Variants in NTM observed in about 807,000 individuals in gnomAD.
The protein encoded by NTM is IgLON family member 2.
A neutral mutation model predicts 42.1 loss-of-function variants in NTM; 13 were observed. That is an observed-to-expected ratio of 0.31 (90% CI 0.20 to 0.49). The LOEUF is 0.49. Among genes scored for constraint, NTM ranks in the 20% least tolerant of loss-of-function variants. The probability of loss-of-function intolerance (pLI) is 0.99; values close to 1 mark genes in which losing one functional copy is unlikely to be tolerated. For synonymous variants in NTM, 187 were observed against 179.2 expected, an observed-to-expected ratio of 1.04 and a Z score of -0.35; for missense variants, 373 against 452.8, an observed-to-expected ratio of 0.82 and a Z score of 1.60.
In NTM at chr11:131,467,817, A is replaced by G. The variant is rs77593768; in HGVS notation, c.82+96929A>G. On this transcript the variant is annotated intron_variant, in intron 1 of 8. Transcript: ENST00000683400. ...GACAGGCTAAAAGCCACAGGATTGA[A>G]TGACCTGGGAAGTTTCCAGAGAGTC... is the stretch of plus-strand genomic sequence containing the variant. Among the ~76,000 whole-genome samples the G allele has an allele frequency of 5.0e-3, 763 of 152,346 alleles. 6 individuals carry two copies. The highest frequency in any genetic ancestry group is 0.017 in the African/African-American group (726 of 41,576).
chr11:132,293,852 A>G (rs1435343462), intron 4 of NTM, among the ~76,000 whole-genome samples: 1 of 152,198 alleles, frequency 6.6e-6, no homozygotes, highest in Non-Finnish European at 1.5e-5. Flanking sequence ...CTTTTGTGCT[A>G]CAGTGGCAAG....
intron 1 of NTM, among the ~76,000 whole-genome samples, chr11:131,373,069 T>C (rs1015589978): frequency 1.3e-5 from 2 of 152,142 alleles, no homozygotes; most frequent in African/African-American, 4.8e-5. Flanking sequence ...GTGGTCGTAA[T>C]AGAACAAGGT....
Position 132,111,109 on chromosome 11 carries a change from A to G in NTM, c.168-35173A>G, listed in dbSNP as rs1369450153. Among the ~76,000 whole-genome samples, 80 of 127,492 alleles carry G rather than the reference A, an allele frequency of 6.3e-4. No homozygotes were observed. In the East Asian group the frequency reaches 0.014, roughly 23 times the overall value. 83.6% of individuals were successfully genotyped at this position (127,492 alleles called of 152,430 possible). A position where few individuals can be genotyped will look rare whatever the true frequency, so the allele number is the denominator to read the frequency against. On this transcript the variant is annotated intron_variant, in intron 2 of 8. Coordinates refer to ENST00000683400, the MANE Select transcript of NTM (RefSeq NM_001352005.2). ...AAAAAAAAAAAAAAAAAAAAAAAAA[A>G]AGAGACAGAGAGAAAGAAAACTATG...
intron 1 of NTM, among the ~76,000 whole-genome samples, chr11:131,642,161 G>T (rs1156494274): frequency 2.6e-5 from 4 of 152,238 alleles, no homozygotes; most frequent in African/African-American, 9.6e-5. Flanking sequence ...ACTTGGAGCA[G>T]TTGGTCAGGC....
chr11:132,094,391 C>A (rs2060716797), intron 2 of NTM, among the ~76,000 whole-genome samples: 2 of 152,114 alleles, frequency 1.3e-5, no homozygotes, highest in Admixed American at 1.3e-4. Flanking sequence ...TATGACAGAC[C>A]TTCAGATACC....
chr11:131,995,019 T>C (rs1478415811), intron 2 of NTM, among the ~76,000 whole-genome samples: 1 of 152,212 alleles, frequency 6.6e-6, no homozygotes, highest in East Asian at 1.9e-4. Flanking sequence ...TTCAGACTGT[T>C]GTTCCCTCTT....
chr11:132,035,259 A>G (rs1213020923), intron 2 of NTM, among the ~76,000 whole-genome samples: 1 of 152,164 alleles, frequency 6.6e-6, no homozygotes, highest in African/African-American at 2.4e-5. Context: ...TGTCTGTACC[A>G]GTCATTGGCA....
chr11:131,752,343 C>A (rs1180577852), intron 1 of NTM, among the ~76,000 whole-genome samples: 1 of 152,152 alleles, frequency 6.6e-6, no homozygotes, highest in Admixed American at 6.5e-5. Context: ...AATGAGATAC[C>A]ATCTCACACC....
chr11:132,140,841 C>G (rs1485634969), intron 2 of NTM, among the ~76,000 whole-genome samples: 1 of 152,170 alleles, frequency 6.6e-6, no homozygotes, highest in African/African-American at 2.4e-5. Flanking sequence ...GGGCAGGGCA[C>G]AAGCCGAATG....
At chr11:132,060,463 T>A (rs770535641) in intron 2 of NTM, among the ~76,000 whole-genome samples, 1 of 133,110 alleles carries the variant, frequency 7.5e-6, no homozygotes, top group African/African-American at 2.5e-5. Context: ...TAATGGAACA[T>A]AGCAGTGAGA....
chr11:132,198,343 C>G (rs989054276), intron 3 of NTM, among the ~76,000 whole-genome samples: 1 of 152,060 alleles, frequency 6.6e-6, no homozygotes, highest in Non-Finnish European at 1.5e-5. Context: ...TCTACAGGAT[C>G]ATGCCAGCAT....
chr11:131,999,888 A>G (rs767837513), intron 2 of NTM, among the ~76,000 whole-genome samples: 1 of 152,158 alleles, frequency 6.6e-6, no homozygotes, highest in Non-Finnish European at 1.5e-5. Context: ...ATCTCTGGCT[A>G]TATTTCCCTT....
In NTM at chr11:132,074,158, TG is replaced by T. The variant is rs1368397855; in HGVS notation, c.168-72123del. Among the ~76,000 whole-genome samples the T allele has an allele frequency of 3.9e-5, 6 of 152,334 alleles. No individual in the cohort carries two copies. The East Asian group carries it at 1.2e-3, about 29-fold the overall frequency. Reference sequence around the variant, plus strand: ...TATGCAGTTCTCAGATGCCTTTCTGTGTTGGAATGAACTTGGTAGGCTATTT... The same window carrying T: ...TATGCAGTTCTCAGATGCCTTTCTGTTTGGAATGAACTTGGTAGGCTATTT... On this transcript the variant is annotated intron_variant, in intron 2 of 8. Coordinates refer to ENST00000683400, the MANE Select transcript of NTM (RefSeq NM_001352005.2).
intron 1 of NTM, among the ~76,000 whole-genome samples, chr11:131,709,854 G>A (rs2076945135): frequency 6.6e-6 from 1 of 152,178 alleles, no homozygotes; most frequent in Admixed American, 6.5e-5. Context: ...GAGGGAAGAA[G>A]AGGAATCTGC....
intron 6 of NTM, among the ~76,000 whole-genome samples, chr11:132,311,823 C>T (rs959532692): frequency 4.6e-5 from 7 of 152,188 alleles, no homozygotes; most frequent in East Asian, 1.9e-4. Context: ...TGGCCAATGG[C>T]GAGTAAAAGG....
At chr11:132,025,639 T>C (rs2075062396) in intron 2 of NTM, among the ~76,000 whole-genome samples, 1 of 152,108 alleles carries the variant, frequency 6.6e-6, no homozygotes, top group African/African-American at 2.4e-5. Flanking sequence ...CCCACTGGGA[T>C]TGCCTGGGGA....
intron 1 of NTM, among the ~76,000 whole-genome samples, chr11:131,506,928 T>G (rs1042625994): frequency 2.0e-5 from 3 of 152,192 alleles, no homozygotes; most frequent in Non-Finnish European, 2.9e-5. Context: ...ATCTTTATGT[T>G]GGAGTTAAAC....
chr11:132,295,440 G>A (rs917059576), intron 4 of NTM, among the ~76,000 whole-genome samples: 3 of 152,142 alleles, frequency 2.0e-5, no homozygotes, highest in African/African-American at 7.2e-5. Context: ...GGAAATTAGA[G>A]TCCAGTGGGG....
At chr11:132,026,319 C>T (rs1023619100) in intron 2 of NTM, among the ~76,000 whole-genome samples, 4 of 152,146 alleles carry the variant, frequency 2.6e-5, no homozygotes, top group African/African-American at 7.2e-5. Context: ...CTGTTAAATG[C>T]CCCTGGCTTT....
Sources: allele counts gnomAD v4.1 joint callset (sites outside exome capture counted in the v4.1 genomes callset), GRCh38; gene constraint gnomAD v4.1.1; transcripts MANE v1.5; gene names NCBI Gene and HGNC (gene_info 2026-07-23, HGNC 2026-07-21).